MIA2: variants seen among roughly 807,000 people sequenced by gnomAD.
The protein encoded by MIA2 is melanoma inhibitory activity protein 2.
In MIA2, 127 loss-of-function variants were observed where a neutral mutation model predicts 167.8. The observed-to-expected ratio is 0.76, with a 90% CI of 0.66 to 0.88. MIA2 has a LOEUF of 0.88. Among genes scored for constraint, MIA2 ranks in the 40% least tolerant of loss-of-function variants. MIA2 has a pLI of 0.00. For missense variants in MIA2, 1,690 were observed against 1,624.7 expected, an observed-to-expected ratio of 1.04 and a Z score of -0.69; for synonymous variants, 552 against 541.9, an observed-to-expected ratio of 1.02 and a Z score of -0.26.
At chr14:39,366,103 T>C (rs2074817167) in intron 23 of MIA2, among the ~76,000 whole-genome samples, 1 of 152,070 alleles carries the variant, frequency 6.6e-6, no homozygotes, top group South Asian at 2.1e-4. Context: ...GCTTCAGTGG[T>C]GTTTGTGATT....
chr14:39,339,931 G>A (rs1001150308), intron 25 of MIA2, among the ~76,000 whole-genome samples: 3 of 152,076 alleles, frequency 2.0e-5, no homozygotes, highest in African/African-American at 2.4e-5. Context: ...CTACAGCCTC[G>A]ACCTCCTGGG....
intron 23 of MIA2, among the ~76,000 whole-genome samples, chr14:39,372,469 A>C (rs897249700): frequency 3.3e-5 from 5 of 152,212 alleles, no homozygotes; most frequent in African/African-American, 1.2e-4. Flanking sequence ...ATATAATAGA[A>C]GTTCAGTTTC....
In MIA2 at chr14:39,309,658, C is replaced by T. The variant is rs150316089; in HGVS notation, c.3017+1071C>T. 3.4e-3 allele frequency among the ~76,000 whole-genome samples: 517 copies of T among 152,202 alleles called. 5 individuals are homozygous for T. Among genetic ancestry groups the T allele is most frequent in the African/African-American group, 0.012 (498 of 41,538 alleles). On this transcript the variant is annotated intron_variant, in intron 18 of 28. Coordinates refer to ENST00000640607, the MANE Select transcript of MIA2 (RefSeq NM_001329214.4). Reference sequence around the variant, plus strand: ...ATTTTGCCTCATGGCTCTTATTGTCCTCTGATTGATTGCTTTTCTTTCTTT... The same window carrying T: ...ATTTTGCCTCATGGCTCTTATTGTCTTCTGATTGATTGCTTTTCTTTCTTT...
intron 14 of MIA2, among the ~76,000 whole-genome samples, chr14:39,301,039 TACACACACACACACACACAC>T (rs58641218): frequency 1.4e-5 from 2 of 145,152 alleles, no homozygotes; most frequent in South Asian, 2.2e-4. Flanking sequence ...TACATATACA[TACACACACACACACACACAC>T]ACACACACAC....
chr14:39,266,188 T>C, intron 6 of MIA2: 1 of 985,430 alleles, frequency 1.0e-6, no homozygotes, highest in South Asian at 4.7e-5. Context: ...TGCTCCTTTT[T>C]GAGTTGCTTC....
intron 6 of MIA2, among the ~76,000 whole-genome samples, chr14:39,271,453 T>G (rs927854402): frequency 1.3e-5 from 2 of 152,182 alleles, no homozygotes; most frequent in African/African-American, 4.8e-5. Context: ...CCACGTTCTT[T>G]TTCTTTATCA....
At chr14:39,255,290 T>C (rs780565912) in intron 6 of MIA2, among the ~76,000 whole-genome samples, 16 of 152,128 alleles carry the variant, frequency 1.1e-4, no homozygotes, top group Non-Finnish European at 2.4e-4. Flanking sequence ...GGCCGATCAG[T>C]TGAGGTCAAG....
At chr14:39,242,806 A>G (rs554175466) in intron 3 of MIA2, among the ~76,000 whole-genome samples, 1 of 152,038 alleles carries the variant, frequency 6.6e-6, no homozygotes, top group Non-Finnish European at 1.5e-5. Context: ...TCTTGGGAAT[A>G]GCACCTGTGA....
At chr14:39,294,774 C>T (rs921775162) in intron 12 of MIA2, 151 bp from the exon 13 acceptor site, 2 of 634,916 alleles carry the variant, frequency 3.2e-6, no homozygotes, top group Non-Finnish European at 5.7e-6. Context: ...GGATTCTAGA[C>T]AAGCCTTTTT....
At chr14:39,387,335 AG>A (rs2075286453) in exon 24 of MIA2, 1 of 175,326 alleles carries the variant, frequency 5.7e-6, no homozygotes, top group South Asian at 1.8e-4. Context: ...TCCATGTTTA[AG>A]GAGTCCATTC....
At chr14:39,295,534 C>G (rs2061308077) in intron 13 of MIA2, among the ~76,000 whole-genome samples, 1 of 152,060 alleles carries the variant, frequency 6.6e-6, no homozygotes, top group African/African-American at 2.4e-5. Context: ...ATTACTCACA[C>G]CAGAGCCACA....
At chr14:39,299,301 A>ATTTTTTTTT (rs1555376456) in intron 13 of MIA2, among the ~76,000 whole-genome samples, 1 of 58,540 alleles carries the variant, frequency 1.7e-5, no homozygotes, top group Non-Finnish European at 3.7e-5. Flanking sequence ...GATTAATGGT[A>ATTTTTTTTT]TTTCTTTTTT....
chr14:39,298,239 GAAAC>G, intron 13 of MIA2, among the ~76,000 whole-genome samples: 1 of 151,318 alleles, frequency 6.6e-6, no homozygotes, highest in South Asian at 2.1e-4. Context: ...CCAAATTCTT[GAAAC>G]AAACTGTATT....
Position 39,245,783 on chromosome 14 carries a change from T to A in MIA2, c.337-1128T>A, listed in dbSNP as rs10140832. 7.8e-3 allele frequency among the ~76,000 whole-genome samples: 1,178 copies of A among 151,924 alleles called. 17 individuals are homozygous for A. The highest frequency in any genetic ancestry group is 0.026 in the African/African-American group (1,074 of 41,432). ...TCCTGTGATAACAAGCCCGCTCATG[T>A]AGTAATGGCATTAATCCCACCCATT... On this transcript the variant is annotated intron_variant, in intron 3 of 28. Coordinates refer to ENST00000640607, the MANE Select transcript of MIA2 (RefSeq NM_001329214.4).
At chr14:39,323,065 C>T (rs1423569780) in intron 24 of MIA2, among the ~76,000 whole-genome samples, 1 of 152,168 alleles carries the variant, frequency 6.6e-6, no homozygotes, top group African/African-American at 2.4e-5. Flanking sequence ...GTTGAAGCTG[C>T]CATTACTCCA....
At chr14:39,288,876 T>C (rs2060326541) in intron 9 of MIA2, among the ~76,000 whole-genome samples, 1 of 152,204 alleles carries the variant, frequency 6.6e-6, no homozygotes, top group African/African-American at 2.4e-5. Flanking sequence ...TTAGGATTTT[T>C]GCATCAGTGT....
intron 17 of MIA2, among the ~76,000 whole-genome samples, chr14:39,307,318 T>C (rs1345768509): frequency 1.3e-5 from 2 of 151,868 alleles, no homozygotes. Flanking sequence ...GCTCTAAAAT[T>C]GAAAATTAGA....
rs34424266 is a variant in MIA2 at position 39,299,305 on chromosome 14, CTTTTTTTTTTT to C, written c.2497-548_2497-538del. ...GATCTGTTCTAGATTAATGGTATTTCTTTTTTTTTTTTTTTTTTTTTGAGACGGAGTCTCGC... is the reference window on the plus strand; with the variant it reads ...GATCTGTTCTAGATTAATGGTATTTCTTTTTTTTTTGAGACGGAGTCTCGC... On this transcript the variant is annotated intron_variant, in intron 13 of 28. Transcript: ENST00000640607. Among the ~76,000 whole-genome samples, 320 of 95,122 alleles carry C rather than the reference CTTTTTTTTTTT, an allele frequency of 3.4e-3. 1 individual carries two copies. Among genetic ancestry groups the C allele is most frequent in the African/African-American group, 0.012 (309 of 24,780 alleles). 62.4% of individuals were successfully genotyped at this position (95,122 alleles called of 152,430 possible).
At chr14:39,356,611 T>G (rs1205106703) in intron 23 of MIA2, among the ~76,000 whole-genome samples, 9 of 152,036 alleles carry the variant, frequency 5.9e-5, no homozygotes, top group Non-Finnish European at 2.9e-5. Context: ...TGAATGTGTT[T>G]GCTCTTCTCT....
Sources: gnomAD v4.1 joint callset for allele counts (sites outside exome capture counted in the v4.1 genomes callset) on GRCh38, gnomAD v4.1.1 for gene constraint, MANE v1.5 for transcripts, NCBI Gene and HGNC (gene_info 2026-07-23, HGNC 2026-07-21) for gene names.